ZNF592: variants seen among roughly 807,000 people sequenced by gnomAD.
The protein encoded by ZNF592 is zinc finger protein 592, also known as spinocerebellar ataxia, autosomal recessive 5.
ZNF592 carries 11 observed loss-of-function variants against 80.3 expected under a neutral mutation model. That is an observed-to-expected ratio of 0.14 (90% confidence interval 0.09 to 0.23). The LOEUF (loss-of-function observed/expected upper bound fraction) is 0.23. Among genes scored for constraint, ZNF592 ranks in the 10% least tolerant of loss-of-function variants. The probability of loss-of-function intolerance (pLI) is 1.00; values close to 1 mark genes in which losing one functional copy is unlikely to be tolerated. For synonymous variants in ZNF592, 646 were observed against 640.3 expected (o/e 1.01, Z -0.13); for missense variants, 1,420 against 1,633.9 (o/e 0.87, Z 2.26).
chr15:84,778,259 G>C lies in ZNF592; in HGVS notation c.-73G>C, dbSNP rs192593696. The C allele has an allele frequency of 3.9e-5, 11 of 285,310 alleles. No individual in the cohort carries two copies. The highest frequency in any genetic ancestry group is 2.3e-4 in the African/African-American group (10 of 43,938). 17.7% of individuals were successfully genotyped at this position (285,310 alleles called of 1,614,324 possible). A position where few individuals can be genotyped will look rare whatever the true frequency, so the allele number is the denominator to read the frequency against. On this transcript the variant is annotated 5_prime_UTR_variant, in exon 3 of 11. Transcript: ENST00000560079. ...CTCCCCCGTACGGAGACAGAGGGAG[G>C]GGGGGCTCCAAAGCCGAAAGAGGAG...
chr15:84,799,257 T>A lies in ZNF592; in HGVS notation c.3137+47T>A, dbSNP rs751670863. ...TGAGGAGGCCTGAGGTTCAAAAGAC[T>A]CTGTCCGTGGCACCACTGGGGCTTT... On this transcript the variant is annotated intron_variant, in intron 9 of 10. Coordinates refer to ENST00000560079, the MANE Select transcript of ZNF592 (RefSeq NM_014630.3). The surrounding 1 kb of genome is among the most constrained non-coding windows in gnomAD (Gnocchi z 4.2). The A allele has an allele frequency of 5.7e-6, 9 of 1,569,626 alleles. No individual in the cohort carries two copies. Among genetic ancestry groups the A allele is most frequent in the Non-Finnish European group, 7.9e-6 (9 of 1,139,492 alleles).
intron 3 of ZNF592, among the ~76,000 whole-genome samples, chr15:84,781,148 A>G (rs1285058326): frequency 6.6e-6 from 1 of 152,086 alleles, no homozygotes; most frequent in African/African-American, 2.4e-5. Flanking sequence ...TCCTGGGATC[A>G]AGTGATTCTC....
intron 1 of ZNF592, among the ~76,000 whole-genome samples, chr15:84,760,755 A>G (rs980905229): frequency 6.6e-6 from 1 of 152,144 alleles, no homozygotes; most frequent in Admixed American, 6.5e-5. Flanking sequence ...CTCAGTAGGA[A>G]CGGAGTTCAG....
In ZNF592 at chr15:84,802,085, A is replaced by G. The variant is rs575141850; in HGVS notation, c.3496A>G (p.Ser1166Gly). Residue 1166 changes from serine to glycine, a missense_variant, in exon 11 of 11, where the codon AGC (serine) becomes GGC (glycine). Physicochemically the swap from Ser to Gly is moderately conservative, Grantham distance 56 (BLOSUM62 0). Around this residue, in one of 7 missense-constraint regions of ZNF592, gnomAD observed 145 missense variants for 211.9 expected, o/e 0.68. Coordinates refer to ENST00000560079, the MANE Select transcript of ZNF592 (RefSeq NM_014630.3). ...LLCGLCYTSA[S>G]SLSRHLFIVH... is the part of the protein sequence containing the mutation. ...CTGTGGTTTGTGCTACACCTCTGCC[A>G]GCTCCCTCAGCCGCCACCTCTTCAT... 6.2e-7 allele frequency: 1 copy of G among 1,613,372 alleles called. No individual in the cohort carries two copies. The highest frequency in any genetic ancestry group is 1.7e-5 in the Admixed American group (1 of 59,948).
At chr15:84,762,667 G>A (rs1899385923) in intron 1 of ZNF592, among the ~76,000 whole-genome samples, 1 of 152,124 alleles carries the variant, frequency 6.6e-6, no homozygotes, top group African/African-American at 2.4e-5. Context: ...AGATTTGAAG[G>A]GTAACTGTGA....
chr15:84,775,407 G>GTGT (rs60816926), intron 2 of ZNF592, among the ~76,000 whole-genome samples: 11,908 of 150,570 alleles, frequency 0.079, 527 homozygotes, highest in Non-Finnish European at 0.088. Flanking sequence ...ATCATACTGG[G>GTGT]TGTTGTTGTT....
Position 84,802,664 on chromosome 15 carries a change from A to G in ZNF592, c.*271A>G, listed in dbSNP as rs943196920. 9.7e-6 allele frequency: 5 copies of G among 513,954 alleles called. No individual in the cohort carries two copies. Among genetic ancestry groups the G allele is most frequent in the Non-Finnish European group, 1.4e-5 (4 of 282,712 alleles). 31.8% of individuals were successfully genotyped at this position (513,954 alleles called of 1,614,324 possible). On this transcript the variant is annotated 3_prime_UTR_variant, in exon 11 of 11. Coordinates refer to ENST00000560079, the MANE Select transcript of ZNF592 (RefSeq NM_014630.3). The stretch of plus-strand genomic sequence containing the variant: ...CCCATCTCTTGTCTGTGTCCTTCCA[A>G]CCCCAAGCTGCTTATGTGGCCCAAC...
Position 84,798,101 on chromosome 15 carries a change from T to C in ZNF592, c.2576+56T>C. On this transcript the variant is annotated intron_variant, in intron 6 of 10. Transcript: ENST00000560079. This position sits in a 1 kb window ranked among gnomAD's most constrained non-coding sequence, Gnocchi z 4.5. The stretch of plus-strand genomic sequence containing the variant: ...GTGGAGCAGAGAGGAGTAGCCTGGG[T>C]GCTGTAGGGGGTGGCATAGGGATGG... The C allele has an allele frequency of 6.2e-7, 1 of 1,601,356 alleles. No homozygotes were observed. Among genetic ancestry groups the C allele is most frequent in the Non-Finnish European group, 8.5e-7 (1 of 1,175,286 alleles).
chr15:84,798,318 C>G lies in ZNF592; in HGVS notation c.2580C>G (p.Leu860=). The G allele has an allele frequency of 2.5e-6, 4 of 1,614,182 alleles. No individual in the cohort carries two copies. Among genetic ancestry groups the G allele is most frequent in the Middle Eastern group, 3.3e-4 (2 of 6,042 alleles). The change falls in exon 7 of 11, where the codon CTC becomes CTG. Residue 860 remains leucine, a synonymous_variant. Transcript: ENST00000560079. The surrounding 1 kb of genome is among the most constrained non-coding windows in gnomAD (Gnocchi z 4.5). ...CCCCTAGGGCTTGTCTCATCAGGCTCATTTATAAGTGCTCCTGTGAAATGG... is the reference window on the plus strand; with the variant it reads ...CCCCTAGGGCTTGTCTCATCAGGCTGATTTATAAGTGCTCCTGTGAAATGG... The part of the protein sequence containing the change: ...HPTQPHRPSQ[L]IYKCSCEMVF...
At chr15:84,762,942 G>A (rs1567060579) in intron 1 of ZNF592, among the ~76,000 whole-genome samples, 2 of 152,180 alleles carry the variant, frequency 1.3e-5, no homozygotes, top group Non-Finnish European at 2.9e-5. Flanking sequence ...GTGTTCTAGA[G>A]CAATGTTGTC....
At chr15:84,766,611 G>T (rs765897986) in intron 2 of ZNF592, among the ~76,000 whole-genome samples, 1 of 151,926 alleles carries the variant, frequency 6.6e-6, no homozygotes, top group Non-Finnish European at 1.5e-5. Flanking sequence ...TTGGGGGGCG[G>T]ATAGAGAGAC....
rs1376205722 is a variant in ZNF592 at position 84,799,814 on chromosome 15, AC to A, written c.3138-26del. On this transcript the variant is annotated intron_variant, in intron 9 of 10. Coordinates refer to ENST00000560079, the MANE Select transcript of ZNF592 (RefSeq NM_014630.3). This position sits in a 1 kb window ranked among gnomAD's most constrained non-coding sequence, Gnocchi z 4.2. ...GAGGGAGCCTGCGGCCCGGGCACTT[AC>A]CTGACCTCTCCGCTGTGCTTCTGCA... 6.2e-7 allele frequency: 1 copy of A among 1,613,312 alleles called. No homozygotes were observed. The highest frequency in any genetic ancestry group is 1.1e-5 in the South Asian group (1 of 91,068).
chr15:84,758,414 C>T (rs1261855183), intron 1 of ZNF592, among the ~76,000 whole-genome samples: 1 of 152,060 alleles, frequency 6.6e-6, no homozygotes, highest in African/African-American at 2.4e-5. Context: ...ACCCAAGTAG[C>T]TGGGACTACA....
At chr15:84,757,126 T>A (rs1432066814) in intron 1 of ZNF592, among the ~76,000 whole-genome samples, 11 of 151,544 alleles carry the variant, frequency 7.3e-5, no homozygotes, top group Admixed American at 4.0e-4. Flanking sequence ...AAAAAAAAAA[T>A]TATTTTTGTA....
chr15:84,795,784 T>C (rs960936326), intron 5 of ZNF592, among the ~76,000 whole-genome samples: 21 of 152,212 alleles, frequency 1.4e-4, no homozygotes, highest in Non-Finnish European at 2.9e-5. Flanking sequence ...ACAAATGTAG[T>C]AATGAATGCT....
At chr15:84,770,069 G>A (rs1899655377) in intron 2 of ZNF592, among the ~76,000 whole-genome samples, 1 of 152,210 alleles carries the variant, frequency 6.6e-6, no homozygotes, top group South Asian at 2.1e-4. Flanking sequence ...TGGTAGAGGT[G>A]GTGAGAAATG....
At position 84,784,382 on chromosome 15, in the gene ZNF592, G is replaced by T; in HGVS notation, c.1707G>T (p.Ala569=). Residue 569 remains alanine (A), a synonymous_variant, in exon 4 of 11, where the codon GCG becomes GCT. Transcript: ENST00000560079. The surrounding 1 kb of genome is among the most constrained non-coding windows in gnomAD (Gnocchi z 5.8). ...LHSSNPVPLY[A]PNLSPPADSR... is the part of the protein sequence containing the mutation. ...GCTCCAACCCCGTGCCCCTCTATGC[G>T]CCAAATCTCAGCCCGCCTGCGGACA... 1 of 1,614,118 alleles carries T rather than the reference G, an allele frequency of 6.2e-7. No individual in the cohort carries two copies. Among genetic ancestry groups the T allele is most frequent in the African/African-American group, 1.3e-5 (1 of 75,052 alleles).
chr15:84,799,787 C>G lies in ZNF592; in HGVS notation c.3138-55C>G. On this transcript the variant is annotated intron_variant, in intron 9 of 10. Transcript: ENST00000560079. This position sits in a 1 kb window ranked among gnomAD's most constrained non-coding sequence, Gnocchi z 4.2. ...CTTCCTGGCCTTGGTGTGAATAGCA[C>G]TGAGGGAGCCTGCGGCCCGGGCACT... 6.2e-7 allele frequency: 1 copy of G among 1,610,188 alleles called. No homozygotes were observed. The highest frequency in any genetic ancestry group is 1.7e-5 in the Admixed American group (1 of 60,028).
chr15:84,799,047 A>G lies in ZNF592; in HGVS notation c.3025-51A>G, dbSNP rs1395602605. ...GGCATCTGAGAAGAAAAATGCACCC[A>G]GAACTATCTTACAGTTCTGATGCTT... On this transcript the variant is annotated intron_variant, in intron 8 of 10. Coordinates refer to ENST00000560079, the MANE Select transcript of ZNF592 (RefSeq NM_014630.3). The surrounding 1 kb of genome is among the most constrained non-coding windows in gnomAD (Gnocchi z 4.2). 4 of 1,609,874 alleles carry G rather than the reference A, an allele frequency of 2.5e-6. No individual in the cohort carries two copies. Among genetic ancestry groups the G allele is most frequent in the Admixed American group, 3.3e-5 (2 of 60,000 alleles).
Sources: allele counts gnomAD v4.1 joint callset (sites outside exome capture counted in the v4.1 genomes callset), GRCh38; gene constraint gnomAD v4.1.1; regional missense constraint gnomAD v4.1.1; non-coding constraint Gnocchi (gnomAD v3.1); transcripts MANE v1.5; gene names NCBI Gene and HGNC (gene_info 2026-07-23, HGNC 2026-07-21).